The following ALDH3A1 variants were observed in gnomAD, a reference collection of about 807,000 sequenced individuals.
The protein encoded by ALDH3A1 is aldehyde dehydrogenase, dimeric NADP-preferring.
Under a neutral mutation model 49.9 loss-of-function variants are expected in ALDH3A1, and 46 were observed. That is an observed-to-expected ratio of 0.92 (90% CI 0.73 to 1.18). ALDH3A1 has a LOEUF of 1.18. Ranked by LOEUF, ALDH3A1 falls within the 50% of genes most tolerant of loss-of-function variation. ALDH3A1 has a pLI of 0.00. For synonymous variants in ALDH3A1, 269 were observed against 253.3 expected (o/e 1.06, Z -0.59); for missense variants, 592 against 611.8 (o/e 0.97, Z 0.34).
chr17:19,745,049 G>A lies in ALDH3A1; in HGVS notation c.81C>T (p.Ile27=). The change falls in exon 2 of 11, where the codon ATC becomes ATT. Residue 27 remains isoleucine, a synonymous_variant. Transcript: ENST00000225740. ...GGCGCTGCAGCGCCTCCAGCTGCTG[G>A]ATCCGGAACTGCAGCGGACGGGTCC... ...SGRTRPLQFR[I]QQLEALQRLI... The A allele has an allele frequency of 6.3e-7, 1 of 1,598,094 alleles. No individual in the cohort carries two copies.
At position 19,743,492 on chromosome 17, in the gene ALDH3A1, C is replaced by T; in HGVS notation, c.163-29G>A. 6.4e-7 allele frequency: 1 copy of T among 1,558,136 alleles called. No individual in the cohort carries two copies. Among genetic ancestry groups the T allele is most frequent in the East Asian group, 2.3e-5 (1 of 44,200 alleles). On this transcript the variant is annotated intron_variant, in intron 2 of 10. Coordinates refer to ENST00000225740, the MANE Select transcript of ALDH3A1 (RefSeq NM_000691.5). The surrounding 1 kb of genome is among the most constrained non-coding windows in gnomAD (Gnocchi z 4.4). Reference sequence around the variant, plus strand: ...CAGCGACAGAGCCGGAGTGAGCTTCCAGGGCCAGGGCCCGCCTGCAGCTGG... The same window carrying T: ...CAGCGACAGAGCCGGAGTGAGCTTCTAGGGCCAGGGCCCGCCTGCAGCTGG...
chr17:19,738,956 G>GT, intron 9 of ALDH3A1, 40 bp downstream of exon 9: 1 of 1,500,076 alleles, frequency 6.7e-7, no homozygotes. Flanking sequence ...GCCCAGCCCT[G>GT]GGGCCCAGAG....
At position 19,743,645 on chromosome 17, in the gene ALDH3A1, C is replaced by T. The variant is rs188443874; in HGVS notation, c.163-182G>A. 6.9e-3 allele frequency: 9,706 copies of T among 1,408,126 alleles called. 38 individuals are homozygous for T. The highest frequency in any genetic ancestry group is 0.017 in the Middle Eastern group (68 of 3,956). The allele number at this position is 1,408,126 out of a possible 1,614,324, so 87.2% of individuals were successfully genotyped here. A position where few individuals can be genotyped will look rare whatever the true frequency, so the allele number is the denominator to read the frequency against. ...AGGATTAGCCGTTGGACCTGTGGGT[C>T]TGAGAGGACCCCTTTCTGCCAGAGG... On this transcript the variant is annotated intron_variant, in intron 2 of 10. Coordinates refer to ENST00000225740, the MANE Select transcript of ALDH3A1 (RefSeq NM_000691.5). This position sits in a 1 kb window ranked among gnomAD's most constrained non-coding sequence, Gnocchi z 4.4.
rs200453129 is a variant in ALDH3A1 at position 19,738,960 on chromosome 17, C to T, written c.1216+36G>A. Reference sequence around the variant, plus strand: ...TGGGTGAGTGTGCCCAGCCCTGGGGCCCAGAGGGAGGCAGCAAGCTCAGCC... The same window carrying T: ...TGGGTGAGTGTGCCCAGCCCTGGGGTCCAGAGGGAGGCAGCAAGCTCAGCC... On this transcript the variant is annotated intron_variant, in intron 9 of 10. Coordinates refer to ENST00000225740, the MANE Select transcript of ALDH3A1 (RefSeq NM_000691.5). 2,249 of 1,518,828 alleles carry T rather than the reference C, an allele frequency of 1.5e-3. 31 individuals carry two copies. In the African/African-American group the frequency reaches 0.026, roughly 17 times the overall value. 94.1% of individuals were successfully genotyped at this position (1,518,828 alleles called of 1,614,324 possible).
Position 19,743,322 on chromosome 17 carries a change from A to C in ALDH3A1, c.304T>G (p.Ser102Ala). Residue 102 changes from serine (S) to alanine (A), a missense_variant, in exon 3 of 11, where the codon TCG (serine) becomes GCG (alanine). Transcript: ENST00000225740. The surrounding 1 kb of genome is among the most constrained non-coding windows in gnomAD (Gnocchi z 4.4). ...ACGAGGACCACGCCCAGTGGCTCCG[A>C]GTGGATGTAGAGCTCGTCCTGCTGA... ...QTQQDELYIH[S>A]EPLGVVLVIG... is the part of the protein sequence containing the mutation. 1.2e-6 allele frequency: 2 copies of C among 1,614,150 alleles called. No homozygotes were observed. Among genetic ancestry groups the C allele is most frequent in the Non-Finnish European group, 1.7e-6 (2 of 1,180,030 alleles).
intron 7 of ALDH3A1, 161 bp downstream of exon 7, chr17:19,740,175 C>T (rs1567650645): frequency 1.1e-6 from 1 of 874,508 alleles, no homozygotes; most frequent in East Asian, 2.7e-5. Context: ...CTGTCCTCAG[C>T]CCCTGCCTGC....
At position 19,748,169 on chromosome 17, in the gene ALDH3A1, T is replaced by G. The variant is rs2072327; in HGVS notation, c.-6+90A>C. 0.27 allele frequency: 97,634 copies of G among 364,406 alleles called. 14,297 individuals are homozygous for G. Among genetic ancestry groups the G allele is most frequent in the East Asian group, 0.44 (5,921 of 13,502 alleles). The allele number at this position is 364,406 out of a possible 1,614,324, so 22.6% of individuals were successfully genotyped here. A position where few individuals can be genotyped will look rare whatever the true frequency, so the allele number is the denominator to read the frequency against. On this transcript the variant is annotated intron_variant, in intron 1 of 10. Transcript: ENST00000225740. The surrounding 1 kb of genome is among the most constrained non-coding windows in gnomAD (Gnocchi z 4.4). ...AGGCAGGGACCCCCTGGAGAGATGA[T>G]GTAGGACTCTTGACACTTAGGGCCC...
chr17:19,740,228 AT>A, intron 7 of ALDH3A1, 107 bp downstream of exon 7: 1 of 1,485,860 alleles, frequency 6.7e-7, no homozygotes, highest in Non-Finnish European at 9.1e-7. Context: ...ATTTATACCC[AT>A]CCCGAGGTCG....
rs1391560917 is a variant in ALDH3A1 at position 19,738,374 on chromosome 17, A to G, written c.1296T>C (p.Pro432=). ...CCTTCAGGCCTTCATCATTCATCAG[A>G]GGCCTCACCAGGCAAGAGCGGCGGT... is the stretch of plus-strand genomic sequence containing the variant. ...FSHRRSCLVR[P]LMNDEGLKVR... The change falls in exon 10 of 11, where the codon CCT becomes CCC. Residue 432 remains proline, a synonymous_variant. Transcript: ENST00000225740. 6 of 1,613,860 alleles carry G rather than the reference A, an allele frequency of 3.7e-6. No homozygotes were observed. Among genetic ancestry groups the G allele is most frequent in the South Asian group, 2.2e-5 (2 of 91,076 alleles).
At chr17:19,742,253 G>A in intron 4 of ALDH3A1, 41 bp from the exon 5 acceptor site, 1 of 1,588,778 alleles carries the variant, frequency 6.3e-7, no homozygotes, top group Non-Finnish European at 8.6e-7. Context: ...CAAAGACCAA[G>A]CCCCTCCTCG....
rs2086484442 is a variant in ALDH3A1, at chr17:19,741,161, G to C, written c.739C>G (p.Pro247Ala). 6.2e-7 allele frequency: 1 copy of C among 1,614,038 alleles called. No homozygotes were observed. The highest frequency in any genetic ancestry group is 1.1e-5 in the South Asian group (1 of 91,080). ...GAGGGGTCACAGAGGATGTAGTCAGGGGCCACGCAGGTCTGGCCACTGTTC... is the reference window on the plus strand; with the variant it reads ...GAGGGGTCACAGAGGATGTAGTCAGCGGCCACGCAGGTCTGGCCACTGTTC... The part of the protein sequence containing the change: ...FMNSGQTCVA[P>A]DYILCDPSIQ... The change falls in exon 6 of 11, where the codon CCT (proline) becomes GCT (alanine). Residue 247 changes from proline (P) to alanine (A), a missense_variant. Pro to Ala is a conservative substitution (Grantham distance 27). Coordinates refer to ENST00000225740, the MANE Select transcript of ALDH3A1 (RefSeq NM_000691.5).
At position 19,742,569 on chromosome 17, in the gene ALDH3A1, G is replaced by A. The variant is rs775334881; in HGVS notation, c.456C>T (p.Thr152=). The A allele has an allele frequency of 1.2e-6, 2 of 1,613,828 alleles. No individual in the cohort carries two copies. Among genetic ancestry groups the A allele is most frequent in the Admixed American group, 1.7e-5 (1 of 60,016 alleles). Residue 152 remains threonine, a synonymous_variant, in exon 4 of 11, where the codon ACC becomes ACT. Transcript: ENST00000225740. The part of the protein sequence containing the change: ...LSENMASLLA[T]IIPQYLDKDL... ...CCTTGTCCAGGTACTGGGGGATGAT[G>A]GTAGCCAGCAGGCTCGCCATGTTCT...
intron 1 of ALDH3A1, 168 bp from the exon 2 acceptor site, chr17:19,745,302 A>C (rs908446700): frequency 1.2e-4 from 86 of 695,774 alleles, no homozygotes; most frequent in Non-Finnish European, 1.8e-4. Flanking sequence ...CCCCTCACTC[A>C]GACGCCTGGG....
At chr17:19,740,219 T>G (rs943582002) in intron 7 of ALDH3A1, 117 bp downstream of exon 7, 1 of 1,434,650 alleles carries the variant, frequency 7.0e-7, no homozygotes, top group African/African-American at 1.4e-5. Context: ...GTGAAAGCAA[T>G]TTATACCCAT....
intron 1 of ALDH3A1, among the ~76,000 whole-genome samples, chr17:19,747,670 A>G (rs1355377093): frequency 6.6e-6 from 1 of 151,966 alleles, no homozygotes; most frequent in Non-Finnish European, 1.5e-5. Flanking sequence ...TGCAGCATGC[A>G]CTGGGGGCCT....
Position 19,738,242 on chromosome 17 carries a change from A to C in ALDH3A1, c.1348-7T>G. The C allele has an allele frequency of 6.2e-7, 1 of 1,614,046 alleles. No homozygotes were observed. The highest frequency in any genetic ancestry group is 8.5e-7 in the Non-Finnish European group (1 of 1,180,022). ...CTCCTCAGTGCTGGGTCATCTGTGA[A>C]AGGGACACGGAGTGGGCAGTGATCC... On this transcript the variant is annotated splice_polypyrimidine_tract_variant and splice_region_variant and intron_variant, in intron 10 of 10. Coordinates refer to ENST00000225740, the MANE Select transcript of ALDH3A1 (RefSeq NM_000691.5).
chr17:19,744,385 A>C (rs1332215930), intron 2 of ALDH3A1: 1 of 970,266 alleles, frequency 1.0e-6, no homozygotes, highest in Non-Finnish European at 1.2e-6. Context: ...CCTGGGCGAC[A>C]GAGCGAGACT....
intron 2 of ALDH3A1, chr17:19,744,127 G>A (rs1380807386): frequency 2.0e-6 from 2 of 985,216 alleles, no homozygotes; most frequent in Non-Finnish European, 2.4e-6. Flanking sequence ...GCCCGGCGCT[G>A]TGGCTCATGC....
In ALDH3A1 at chr17:19,743,431, C is replaced by T. The variant is rs1448941400; in HGVS notation, c.195G>A (p.Val65=). 25 of 1,610,862 alleles carry T rather than the reference C, an allele frequency of 1.6e-5. No individual in the cohort carries two copies. Among genetic ancestry groups the T allele is most frequent in the East Asian group, 2.2e-5 (1 of 44,794 alleles). ...NEWNAYYEEV[V]YVLEEIEYMI... is the part of the protein sequence containing the mutation. Reference sequence around the variant, plus strand: ...TGTACTCGATCTCCTCTAGGACGTACACCACCTCCTCATAGTAGGCGTTCC... The same window carrying T: ...TGTACTCGATCTCCTCTAGGACGTATACCACCTCCTCATAGTAGGCGTTCC... Residue 65 remains valine, a synonymous_variant, in exon 3 of 11, where the codon GTG becomes GTA. Coordinates refer to ENST00000225740, the MANE Select transcript of ALDH3A1 (RefSeq NM_000691.5). The surrounding 1 kb of genome is among the most constrained non-coding windows in gnomAD (Gnocchi z 4.4).
Sources: gnomAD v4.1 joint callset for allele counts (sites outside exome capture counted in the v4.1 genomes callset) on GRCh38, gnomAD v4.1.1 for gene constraint, Gnocchi (gnomAD v3.1) non-coding constraint, MANE v1.5 for transcripts, NCBI Gene and HGNC (gene_info 2026-07-23, HGNC 2026-07-21) for gene names.